The following DLGAP2 variants were observed in gnomAD, a reference collection of about 807,000 sequenced individuals.
DLGAP2 encodes the protein DLG associated protein 2.
In DLGAP2, 26 loss-of-function variants were observed where a neutral mutation model predicts 100.3. That is an observed-to-expected ratio of 0.26 (90% CI 0.19 to 0.36). The LOEUF (loss-of-function observed/expected upper bound fraction) is 0.36. Ranked by LOEUF, DLGAP2 falls within the 10% of genes least tolerant of loss-of-function variation. The pLI is 1.00. For synonymous variants in DLGAP2, 886 were observed against 630.1 expected (o/e 1.41, Z -6.08); for missense variants, 1,858 against 1,453.2 (o/e 1.28, Z -4.53).
At chr8:880,902 T>A (rs577013522) in intron 1 of DLGAP2, among the ~76,000 whole-genome samples, 16 of 152,340 alleles carry the variant, frequency 1.1e-4, no homozygotes, top group South Asian at 8.3e-4. Context: ...CATAATGCCC[T>A]GATCTCCACT....
At chr8:1,319,029 C>G (rs534122406) in intron 3 of DLGAP2, among the ~76,000 whole-genome samples, 1 of 146,562 alleles carries the variant, frequency 6.8e-6, no homozygotes, top group Non-Finnish European at 1.5e-5. Context: ...AGTGCGAGCT[C>G]GGTGGCGAAC....
intron 2 of DLGAP2, among the ~76,000 whole-genome samples, chr8:923,925 G>T (rs1032246801): frequency 6.6e-6 from 1 of 152,222 alleles, no homozygotes; most frequent in Non-Finnish European, 1.5e-5. Context: ...TTCAGGGTCA[G>T]CTCAAACAGA....
intron 1 of DLGAP2, among the ~76,000 whole-genome samples, chr8:804,934 T>C (rs1035824685): frequency 6.6e-6 from 1 of 151,974 alleles, no homozygotes; most frequent in African/African-American, 2.4e-5. Flanking sequence ...CTGGCTAATT[T>C]TTTTTGTTTG....
At chr8:967,818 A>T (rs111302224) in intron 2 of DLGAP2, among the ~76,000 whole-genome samples, 11,728 of 15,298 alleles carry the variant, frequency 0.77, 4,086 homozygotes, top group Middle Eastern at 1. Flanking sequence ...GAACACCACT[A>T]TATATATATA....
At chr8:1,474,476 A>G (rs1012674988) in intron 3 of DLGAP2, among the ~76,000 whole-genome samples, 1 of 152,182 alleles carries the variant, frequency 6.6e-6, no homozygotes, top group Non-Finnish European at 1.5e-5. Flanking sequence ...TAGTGGTTGT[A>G]CTGGTTTACA....
chr8:1,483,440 AAGAGGCTCAGGG>A (rs1563175762), intron 3 of DLGAP2, among the ~76,000 whole-genome samples: 4 of 148,862 alleles, frequency 2.7e-5, no homozygotes, highest in Non-Finnish European at 5.9e-5. Flanking sequence ...ACTGCTGTGT[AAGAGGCTCAGGG>A]AGCAGGACCT....
intron 5 of DLGAP2, among the ~76,000 whole-genome samples, chr8:1,549,978 C>G (rs987577955): frequency 6.6e-6 from 1 of 152,172 alleles, no homozygotes; most frequent in African/African-American, 2.4e-5. Flanking sequence ...CTTGAGCTGA[C>G]CCCTCCTCAC....
At chr8:1,144,503 G>A (rs1322660305) in intron 2 of DLGAP2, among the ~76,000 whole-genome samples, 2 of 152,234 alleles carry the variant, frequency 1.3e-5, no homozygotes, top group Admixed American at 6.5e-5. Context: ...TTGACTGGAC[G>A]TTGCAAACAA....
intron 3 of DLGAP2, among the ~76,000 whole-genome samples, chr8:1,420,497 C>G (rs1420153696): frequency 6.6e-6 from 1 of 152,140 alleles, no homozygotes; most frequent in Non-Finnish European, 1.5e-5. Context: ...AGCAAATTTC[C>G]TAAACTACAA....
chr8:1,094,626 A>G (rs1804304946), intron 2 of DLGAP2, among the ~76,000 whole-genome samples: 1 of 152,222 alleles, frequency 6.6e-6, no homozygotes, highest in Non-Finnish European at 1.5e-5. Context: ...TCATCACAAT[A>G]TGAGGCTTCT....
At chr8:1,382,151 C>G (rs1238452914) in intron 3 of DLGAP2, among the ~76,000 whole-genome samples, 1 of 152,314 alleles carries the variant, frequency 6.6e-6, no homozygotes, top group Middle Eastern at 3.4e-3. Flanking sequence ...CAGTCACTGA[C>G]ACACATTGTG....
At chr8:1,565,997 C>A in intron 6 of DLGAP2, 103 bp downstream of exon 6, 1 of 993,316 alleles carries the variant, frequency 1.0e-6, no homozygotes, top group Non-Finnish European at 1.4e-6. Context: ...TCCATTTAAA[C>A]TAAATTGCCA....
intron 2 of DLGAP2, among the ~76,000 whole-genome samples, chr8:997,425 A>G (rs1233058531): frequency 6.6e-6 from 1 of 152,180 alleles, no homozygotes; most frequent in Non-Finnish European, 1.5e-5. Flanking sequence ...TAAGACATTG[A>G]ACCAATATAG....
intron 2 of DLGAP2, among the ~76,000 whole-genome samples, chr8:1,191,626 G>A (rs1797641471): frequency 5.3e-5 from 8 of 150,924 alleles, no homozygotes. Context: ...CCGTATCTGG[G>A]TCCGTTCTCT....
chr8:756,931 C>T (rs992855835), intron 1 of DLGAP2, among the ~76,000 whole-genome samples: 1 of 152,176 alleles, frequency 6.6e-6, no homozygotes, highest in Non-Finnish European at 1.5e-5. Flanking sequence ...CCAGATTTCC[C>T]CTTTCTGGCT....
chr8:1,571,665 A>AG (rs1802692944), intron 6 of DLGAP2, among the ~76,000 whole-genome samples: 4 of 80,950 alleles, frequency 4.9e-5, no homozygotes, highest in African/African-American at 4.9e-5. Context: ...GGAGAGAGAG[A>AG]AGGGTGAACT....
rs1461972767 is a variant in DLGAP2 at position 1,321,275 on chromosome 8, CGTGCATCTGTGTGTCTCTGT to C, written c.106+62412_106+62431del. Among the ~76,000 whole-genome samples, 24 of 151,390 alleles carry C rather than the reference CGTGCATCTGTGTGTCTCTGT, an allele frequency of 1.6e-4. No individual in the cohort carries two copies. In the South Asian group the frequency reaches 1.9e-3, roughly 12 times the overall value. ...CGTGCATCTGTGCCATGTGCGTGTG[CGTGCATCTGTGTGTCTCTGT>C]GTGCATCTGTGTGTCTCTGCGTGTG... is the stretch of plus-strand genomic sequence containing the variant. On this transcript the variant is annotated intron_variant, in intron 3 of 14. Transcript: ENST00000637795.
intron 2 of DLGAP2, among the ~76,000 whole-genome samples, chr8:1,115,111 A>G (rs897121662): frequency 2.0e-5 from 3 of 152,182 alleles, no homozygotes; most frequent in African/African-American, 7.2e-5. Context: ...ATGTTCAATT[A>G]TGTGGTCTGT....
chr8:1,563,650 G>A (rs1010019428), intron 5 of DLGAP2, among the ~76,000 whole-genome samples: 1 of 152,092 alleles, frequency 6.6e-6, no homozygotes, highest in Non-Finnish European at 1.5e-5. Context: ...TGGAAGTCCA[G>A]GATATGTGAG....
Sources: gnomAD v4.1 joint callset for allele counts (sites outside exome capture counted in the v4.1 genomes callset) on GRCh38, gnomAD v4.1.1 for gene constraint, MANE v1.5 for transcripts, NCBI Gene and HGNC (gene_info 2026-07-23, HGNC 2026-07-21) for gene names.